The following PARD3B variants were observed in gnomAD, a reference collection of about 807,000 sequenced individuals.
PARD3B encodes the protein partitioning defective 3 homolog B.
PARD3B carries 103 observed loss-of-function variants against 130.2 expected under a neutral mutation model. The ratio of observed to expected loss-of-function variants is 0.79; its 90% CI spans 0.67 to 0.93. The LOEUF (loss-of-function observed/expected upper bound fraction) is 0.93, where lower values mean the gene tolerates loss of function less well. Ranked by LOEUF, PARD3B falls within the 40% of genes least tolerant of loss-of-function variation. The probability of loss-of-function intolerance (pLI) is 0.00; values close to 1 mark genes in which losing one functional copy is unlikely to be tolerated. For missense variants in PARD3B, 1,609 were observed against 1,499.2 expected (o/e 1.07, Z -1.21); for synonymous variants, 583 against 553.2 (o/e 1.05, Z -0.76).
Position 205,351,854 on chromosome 2 carries a change from C to A in PARD3B, c.2631-49159C>A, listed in dbSNP as rs930871482. ...ACCAGAGACTTTGCTTAAAGAGGTA[C>A]GTGACAGCTTCTGAGGGATCTGTTT... On this transcript the variant is annotated intron_variant, in intron 18 of 22. Coordinates refer to ENST00000406610, the MANE Select transcript of PARD3B (RefSeq NM_001302769.2). The surrounding 1 kb of genome is among the most constrained non-coding windows in gnomAD (Gnocchi z 4.2). 2.6e-5 allele frequency among the ~76,000 whole-genome samples: 4 copies of A among 151,854 alleles called. No homozygotes were observed. The highest frequency in any genetic ancestry group is 5.9e-5 in the Non-Finnish European group (4 of 67,984).
intron 12 of PARD3B, 56 bp downstream of exon 12, chr2:205,172,437 C>T: frequency 1.3e-6 from 2 of 1,531,354 alleles, no homozygotes; most frequent in Non-Finnish European, 8.9e-7. Flanking sequence ...CCAGAATATG[C>T]AGACTTCCAT....
chr2:204,611,194 T>C (rs1305307016), intron 1 of PARD3B, among the ~76,000 whole-genome samples: 1 of 152,160 alleles, frequency 6.6e-6, no homozygotes, highest in Non-Finnish European at 1.5e-5. Context: ...GGGAAATTGG[T>C]TGGGAGACTA....
chr2:205,547,020 A>G lies in PARD3B; in HGVS notation c.3181-6304A>G, dbSNP rs548336424. ...CAATAATCATTTAATGGAGAAAAAA[A>G]TGATTAAATCTGTTTTTTTGGATAA... On this transcript the variant is annotated intron_variant, in intron 21 of 22. Coordinates refer to ENST00000406610, the MANE Select transcript of PARD3B (RefSeq NM_001302769.2). Among the ~76,000 whole-genome samples, 8 of 152,292 alleles carry G rather than the reference A, an allele frequency of 5.3e-5. No individual in the cohort carries two copies. The East Asian group carries it at 1.5e-3, about 29-fold the overall frequency.
chr2:204,547,883 G>A (rs183229661), intron 1 of PARD3B, among the ~76,000 whole-genome samples: 2 of 152,142 alleles, frequency 1.3e-5, no homozygotes, highest in African/African-American at 4.8e-5. Context: ...GAATGGAAAC[G>A]TAACTTATAA....
chr2:205,175,088 A>T, intron 12 of PARD3B, among the ~76,000 whole-genome samples: 1 of 152,178 alleles, frequency 6.6e-6, no homozygotes, highest in Non-Finnish European at 1.5e-5. Flanking sequence ...TGGGACACTA[A>T]TGGAGGGCTC....
At chr2:205,314,058 A>G (rs183620567) in intron 18 of PARD3B, among the ~76,000 whole-genome samples, 2 of 152,144 alleles carry the variant, frequency 1.3e-5, no homozygotes. Flanking sequence ...TGCCTAATTT[A>G]CATTGTTCCG....
chr2:204,937,180 C>T (rs1266683875), intron 2 of PARD3B, among the ~76,000 whole-genome samples: 1 of 152,234 alleles, frequency 6.6e-6, no homozygotes, highest in Non-Finnish European at 1.5e-5. Context: ...CTGAGACTTG[C>T]TTGCCTAAGT....
chr2:205,044,947 A>G (rs1200823896), intron 3 of PARD3B, among the ~76,000 whole-genome samples: 1 of 152,142 alleles, frequency 6.6e-6, no homozygotes, highest in East Asian at 1.9e-4. Context: ...AAAGATGCTC[A>G]TTATTAATTT....
intron 2 of PARD3B, among the ~76,000 whole-genome samples, chr2:204,718,012 T>C (rs1032882450): frequency 6.6e-6 from 1 of 152,170 alleles, no homozygotes; most frequent in Non-Finnish European, 1.5e-5. Context: ...CAATTATGGC[T>C]CTTTTGGTTT....
At chr2:205,042,326 G>A (rs1191184942) in intron 3 of PARD3B, among the ~76,000 whole-genome samples, 8 of 152,272 alleles carry the variant, frequency 5.3e-5, no homozygotes, top group Middle Eastern at 3.4e-3. Flanking sequence ...CTATGAGGAC[G>A]TGGCTTGACT....
chr2:204,704,746 A>C (rs1334729398), intron 2 of PARD3B, among the ~76,000 whole-genome samples: 1 of 152,068 alleles, frequency 6.6e-6, no homozygotes, highest in Non-Finnish European at 1.5e-5. Context: ...GGGGGCCACT[A>C]ATTTTTTTCC....
At chr2:204,978,366 G>A (rs1239364778) in intron 3 of PARD3B, among the ~76,000 whole-genome samples, 2 of 152,196 alleles carry the variant, frequency 1.3e-5, no homozygotes, top group African/African-American at 4.8e-5. Flanking sequence ...ATAAAAATTA[G>A]TAAAATGCAG....
At chr2:204,894,794 A>G (rs2125695177) in intron 2 of PARD3B, among the ~76,000 whole-genome samples, 1 of 152,222 alleles carries the variant, frequency 6.6e-6, no homozygotes, top group South Asian at 2.1e-4. Context: ...AAGTTTTAAA[A>G]TATATGTTTA....
chr2:204,921,793 A>G (rs973413820), intron 2 of PARD3B, among the ~76,000 whole-genome samples: 4 of 152,176 alleles, frequency 2.6e-5, no homozygotes, highest in African/African-American at 9.7e-5. Context: ...GAAGAAACAG[A>G]AAGAGATATC....
chr2:204,746,367 A>C (rs1293102321), intron 2 of PARD3B, among the ~76,000 whole-genome samples: 1 of 151,638 alleles, frequency 6.6e-6, no homozygotes, highest in East Asian at 1.9e-4. Context: ...ACATTTTCTT[A>C]ATCCAGTCTA....
At chr2:204,640,126 T>C (rs1012150287) in intron 1 of PARD3B, among the ~76,000 whole-genome samples, 18 of 152,200 alleles carry the variant, frequency 1.2e-4, no homozygotes, top group Admixed American at 8.5e-4. Context: ...TGGTGGTGCA[T>C]GCCTGTCATC....
chr2:205,329,926 G>T (rs544279427), intron 18 of PARD3B, among the ~76,000 whole-genome samples: 3 of 151,980 alleles, frequency 2.0e-5, no homozygotes, highest in Non-Finnish European at 1.5e-5. Context: ...CTAGTGGGGC[G>T]GAGGTTGCAG....
chr2:205,477,445 C>T (rs1240564500), intron 20 of PARD3B, among the ~76,000 whole-genome samples: 4 of 152,122 alleles, frequency 2.6e-5, no homozygotes, highest in Non-Finnish European at 1.5e-5. Flanking sequence ...TGTTCAGTTG[C>T]CCTGAAGTGT....
At chr2:205,587,200 G>A (rs1302775049) in intron 22 of PARD3B, among the ~76,000 whole-genome samples, 1 of 152,224 alleles carries the variant, frequency 6.6e-6, no homozygotes, top group Non-Finnish European at 1.5e-5. Flanking sequence ...ATTTGAATGA[G>A]TCATTGCATC....
Sources: gnomAD v4.1 joint callset for allele counts (sites outside exome capture counted in the v4.1 genomes callset) on GRCh38, gnomAD v4.1.1 for gene constraint, Gnocchi (gnomAD v3.1) non-coding constraint, MANE v1.5 for transcripts, NCBI Gene and HGNC (gene_info 2026-07-23, HGNC 2026-07-21) for gene names.